CLPB: variants seen among roughly 807,000 people sequenced by gnomAD.
CLPB encodes the protein mitochondrial disaggregase.
CLPB carries 40 observed loss-of-function variants against 78.4 expected under a neutral mutation model. The ratio of observed to expected loss-of-function variants is 0.51; its 90% CI spans 0.40 to 0.66. CLPB has a LOEUF of 0.66. CLPB is among the 30% of genes least tolerant of loss of function. The pLI is 0.00. For synonymous variants in CLPB, 333 were observed against 348.0 expected (o/e 0.96, Z 0.48); for missense variants, 780 against 886.9 (o/e 0.88, Z 1.53).
intron 1 of CLPB, among the ~76,000 whole-genome samples, chr11:72,433,581 AAATAAATAAATT>A (rs1856611032): frequency 6.8e-6 from 1 of 146,168 alleles, no homozygotes; most frequent in Non-Finnish European, 1.5e-5. Flanking sequence ...ATAAATAAAT[AAATAAATAAATT>A]GAGGTCAAGC....
At chr11:72,386,938 G>A (rs1250781300) in intron 3 of CLPB, among the ~76,000 whole-genome samples, 1 of 152,098 alleles carries the variant, frequency 6.6e-6, no homozygotes, top group African/African-American at 2.4e-5. Flanking sequence ...TTCCCAGAAC[G>A]TTTAAAGCTA....
At chr11:72,410,414 A>G (rs1009470908) in intron 2 of CLPB, among the ~76,000 whole-genome samples, 2 of 152,182 alleles carry the variant, frequency 1.3e-5, no homozygotes, top group Admixed American at 6.5e-5. Context: ...ACCCTACTAT[A>G]TATGTCACAT....
chr11:72,339,908 A>G (rs1950388713), intron 5 of CLPB, among the ~76,000 whole-genome samples: 1 of 152,262 alleles, frequency 6.6e-6, no homozygotes, highest in Non-Finnish European at 1.5e-5. Flanking sequence ...GCTTAAACTT[A>G]CTACTGGCTG....
intron 6 of CLPB, among the ~76,000 whole-genome samples, chr11:72,318,223 T>C (rs1297317373): frequency 6.6e-6 from 1 of 151,942 alleles, no homozygotes; most frequent in East Asian, 1.9e-4. Context: ...TTTGCAAAAA[T>C]GACAAAGAGG....
At chr11:72,419,550 C>T (rs111800466) in intron 2 of CLPB, among the ~76,000 whole-genome samples, 2 of 152,202 alleles carry the variant, frequency 1.3e-5, no homozygotes, top group African/African-American at 4.8e-5. Flanking sequence ...GCCTCTGATG[C>T]CCTGTAGGGT....
chr11:72,425,230 GT>G (rs1856337882), intron 2 of CLPB, among the ~76,000 whole-genome samples: 2 of 152,214 alleles, frequency 1.3e-5, no homozygotes, highest in Non-Finnish European at 2.9e-5. Flanking sequence ...TAATTTTACA[GT>G]TGCATAATTA....
chr11:72,344,701 C>A (rs1267719834), intron 5 of CLPB, among the ~76,000 whole-genome samples: 1 of 152,172 alleles, frequency 6.6e-6, no homozygotes, highest in African/African-American at 2.4e-5. Context: ...GTGGTTCTCA[C>A]TCCTGGCTAT....
intron 5 of CLPB, among the ~76,000 whole-genome samples, chr11:72,348,165 AAG>A (rs1171718306): frequency 6.6e-6 from 1 of 152,184 alleles, no homozygotes; most frequent in African/African-American, 2.4e-5. Flanking sequence ...GATACATAAG[AAG>A]AGTTAGGTGG....
Position 72,292,867 on chromosome 11 carries a change from AG to A in CLPB, c.*499del, listed in dbSNP as rs1212250058. 6.4e-6 allele frequency: 1 copy of A among 156,244 alleles called. No individual in the cohort carries two copies. 9.7% of individuals were successfully genotyped at this position (156,244 alleles called of 1,614,324 possible). ...ACGAGGAGGCTACAGACTAAATTGCAGAACTATCTGCACCTGGGCCTCTGAG... is the reference window on the plus strand; with the variant it reads ...ACGAGGAGGCTACAGACTAAATTGCAAACTATCTGCACCTGGGCCTCTGAG... On this transcript the variant is annotated 3_prime_UTR_variant, in exon 16 of 16. Transcript: ENST00000538039.
intron 3 of CLPB, among the ~76,000 whole-genome samples, chr11:72,396,032 C>T (rs890905614): frequency 2.7e-4 from 41 of 152,264 alleles, no homozygotes; most frequent in African/African-American, 9.9e-4. Flanking sequence ...CACCCTCTCC[C>T]CTTAGTAAGG....
At chr11:72,336,905 C>G (rs1010438526) in intron 5 of CLPB, 3 of 392,918 alleles carry the variant, frequency 7.6e-6, no homozygotes, top group African/African-American at 6.2e-5. Flanking sequence ...GTGGTCTCTC[C>G]GATTACCCAG....
chr11:72,353,740 G>A (rs1950655830), intron 5 of CLPB, among the ~76,000 whole-genome samples: 2 of 152,226 alleles, frequency 1.3e-5, no homozygotes, highest in African/African-American at 4.8e-5. Flanking sequence ...GTGACTGACT[G>A]GTAAAAGGAA....
At chr11:72,302,439 G>A in intron 9 of CLPB, 91 bp from the exon 10 acceptor site, 1 of 1,050,324 alleles carries the variant, frequency 9.5e-7, no homozygotes, top group Non-Finnish European at 1.5e-6. Context: ...TATCCCCAAG[G>A]CTTTCACACC....
chr11:72,315,858 T>TTA (rs1481578100), intron 7 of CLPB, among the ~76,000 whole-genome samples: 3 of 152,132 alleles, frequency 2.0e-5, no homozygotes, highest in Non-Finnish European at 4.4e-5. Flanking sequence ...CTGGACCTGC[T>TTA]TCAGTTTGAG....
chr11:72,408,305 C>A, intron 2 of CLPB: 1 of 843,990 alleles, frequency 1.2e-6, no homozygotes, highest in South Asian at 1.5e-5. Context: ...AGATATTAAT[C>A]CCTCTTGTGC....
chr11:72,395,284 T>C (rs1855372512), intron 3 of CLPB, among the ~76,000 whole-genome samples: 1 of 152,056 alleles, frequency 6.6e-6, no homozygotes, highest in African/African-American at 2.4e-5. Context: ...ACATCATGGG[T>C]CATCAAGAAA....
chr11:72,403,041 T>G lies in CLPB; in HGVS notation c.467A>C (p.Glu156Ala), dbSNP rs542126345. 1 of 1,613,398 alleles carries G rather than the reference T, an allele frequency of 6.2e-7. No homozygotes were observed. Among genetic ancestry groups the G allele is most frequent in the African/African-American group, 1.3e-5 (1 of 75,042 alleles). ...GTGCTTTGCATTGACATCTGCACCT[T>G]CTGACAACAGCCTAAAACAAGACAG... ...NMQEVSRLLS[E>A]GADVNAKHRL... Residue 156 changes from glutamate (E) to alanine (A), a missense_variant, in exon 3 of 16, where the codon GAA becomes GCA. Glu to Ala is a moderately radical substitution (Grantham distance 107). This residue lies in a region of CLPB where 417 missense variants were observed against 414.7 expected (regional missense o/e 1.01). Coordinates refer to ENST00000538039, the MANE Select transcript of CLPB (RefSeq NM_001258392.3).
intron 5 of CLPB, among the ~76,000 whole-genome samples, chr11:72,335,543 C>T (rs915434921): frequency 7.9e-5 from 12 of 152,172 alleles, no homozygotes; most frequent in South Asian, 2.1e-4. Flanking sequence ...GTTCTGAAAA[C>T]ACCTGTTCAT....
intron 6 of CLPB, among the ~76,000 whole-genome samples, chr11:72,321,285 G>C (rs542256545): frequency 6.6e-6 from 1 of 152,292 alleles, no homozygotes; most frequent in East Asian, 1.9e-4. Context: ...AGGGCACTGA[G>C]CTGAGAGGCA....
Sources: gnomAD v4.1 joint callset for allele counts (sites outside exome capture counted in the v4.1 genomes callset) on GRCh38, gnomAD v4.1.1 for gene constraint, gnomAD v4.1.1 regional missense constraint, MANE v1.5 for transcripts, NCBI Gene and HGNC (gene_info 2026-07-23, HGNC 2026-07-21) for gene names.